Variants in OTOGL observed in about 807,000 individuals in gnomAD.
OTOGL encodes the protein otogelin-like protein.
In OTOGL, 285 loss-of-function variants were observed where a neutral mutation model predicts 318.5. That is an observed-to-expected ratio of 0.89 (90% CI 0.81 to 0.99). The LOEUF (loss-of-function observed/expected upper bound fraction) is 0.99. Among genes scored for constraint, OTOGL ranks in the 50% least tolerant of loss-of-function variants. The probability of loss-of-function intolerance (pLI) is 0.00; values close to 1 mark genes in which losing one functional copy is unlikely to be tolerated. For missense variants in OTOGL, 2,899 were observed against 2,845.6 expected, an observed-to-expected ratio of 1.02 and a Z score of -0.43; for synonymous variants, 987 against 936.5, an observed-to-expected ratio of 1.05 and a Z score of -0.99.
intron 1 of OTOGL, among the ~76,000 whole-genome samples, chr12:80,120,167 G>T (rs985709055): frequency 6.6e-6 from 1 of 151,964 alleles, no homozygotes; most frequent in Admixed American, 6.6e-5. Flanking sequence ...ATCATAGGAT[G>T]GGGTAGCTGG....
chr12:80,286,931 T>C (rs1244037989), intron 26 of OTOGL, among the ~76,000 whole-genome samples: 1 of 152,164 alleles, frequency 6.6e-6, no homozygotes, highest in Non-Finnish European at 1.5e-5. Context: ...TGCTAGCTTT[T>C]GAATTTGTTT....
At chr12:80,274,981 G>A (rs1008447136) in intron 24 of OTOGL, among the ~76,000 whole-genome samples, 2 of 151,940 alleles carry the variant, frequency 1.3e-5, no homozygotes, top group African/African-American at 2.4e-5. Context: ...AGTGCACCTG[G>A]CACCTAGGAG....
intron 1 of OTOGL, among the ~76,000 whole-genome samples, chr12:80,124,879 C>T (rs1484373553): frequency 1.3e-5 from 2 of 152,200 alleles, no homozygotes; most frequent in Admixed American, 6.5e-5. Flanking sequence ...GATTTTCGTA[C>T]ATTGATTTTG....
chr12:80,354,609 C>T (rs1356753055), intron 46 of OTOGL, among the ~76,000 whole-genome samples: 2 of 151,804 alleles, frequency 1.3e-5, no homozygotes, highest in Admixed American at 1.3e-4. Flanking sequence ...AATGAATTGA[C>T]TAATAATTAA....
intron 39 of OTOGL, 28 bp downstream of exon 39, chr12:80,336,168 C>A: frequency 4.0e-5 from 54 of 1,352,538 alleles, no homozygotes; most frequent in Non-Finnish European, 4.9e-5. Context: ...AAGCGGTGAT[C>A]TTTTTTTTTT....
intron 52 of OTOGL, among the ~76,000 whole-genome samples, chr12:80,363,484 A>G (rs1345855460): frequency 6.6e-6 from 1 of 152,174 alleles, no homozygotes; most frequent in Non-Finnish European, 1.5e-5. Flanking sequence ...GGAGGGCAAA[A>G]TGAAAGACTG....
chr12:80,372,610 C>T (rs1298123870), intron 57 of OTOGL, among the ~76,000 whole-genome samples: 1 of 151,826 alleles, frequency 6.6e-6, no homozygotes, highest in Non-Finnish European at 1.5e-5. Context: ...TAAAAGTTCT[C>T]ATAATTATTT....
intron 1 of OTOGL, among the ~76,000 whole-genome samples, chr12:80,117,147 A>G (rs1336379431): frequency 6.6e-6 from 1 of 152,128 alleles, no homozygotes; most frequent in Non-Finnish European, 1.5e-5. Flanking sequence ...GGCCTGGAGT[A>G]TCAGGGGTGT....
At chr12:80,361,635 A>G (rs2138051769) in intron 52 of OTOGL, among the ~76,000 whole-genome samples, 1 of 152,148 alleles carries the variant, frequency 6.6e-6, no homozygotes. Flanking sequence ...CATCTTCACA[A>G]ACACTTGCTA....
rs552046761 is a variant in OTOGL, at chr12:80,110,327, A to G, written c.-20+10722A>G. 3.9e-5 allele frequency among the ~76,000 whole-genome samples: 6 copies of G among 152,168 alleles called. No homozygotes were observed. In the South Asian group the frequency reaches 1.0e-3, roughly 26 times the overall value. ...CAGGCTCCGCCTGCCTTGGCCTCCC[A>G]AAGTGCTGGGATTACGGGTGTCAGC... On this transcript the variant is annotated intron_variant, in intron 1 of 58. Coordinates refer to ENST00000547103, the MANE Select transcript of OTOGL (RefSeq NM_001378609.3).
chr12:80,278,217 A>C lies in OTOGL; in HGVS notation c.2731A>C (p.Ile911Leu), dbSNP rs1352070619. The C allele has an allele frequency of 6.5e-7, 1 of 1,547,038 alleles. No individual in the cohort carries two copies. The highest frequency in any genetic ancestry group is 1.2e-5 in the South Asian group (1 of 83,934). The change falls in exon 25 of 59, where the codon ATT becomes CTT. Residue 911 changes from isoleucine (I) to leucine (L), a missense_variant. Physicochemically the swap from Ile to Leu is conservative, Grantham distance 5. This residue lies in a region of OTOGL where 2,607 missense variants were observed against 2,524.9 expected (regional missense o/e 1.03). Transcript: ENST00000547103. ...KCYVPESCPC[I>L]WKDWEYLSGE... ...TTATGTTCCTGAAAGCTGCCCATGTATTTGGAAAGATTGGGAGTATCTCTC... is the reference window on the plus strand; with the variant it reads ...TTATGTTCCTGAAAGCTGCCCATGTCTTTGGAAAGATTGGGAGTATCTCTC...
chr12:80,294,913 C>A (rs1475560383), intron 26 of OTOGL, among the ~76,000 whole-genome samples: 6 of 152,084 alleles, frequency 3.9e-5, no homozygotes, highest in Non-Finnish European at 8.8e-5. Context: ...CATAGTGACA[C>A]CCTGCCTCTA....
At chr12:80,142,157 T>C (rs900138508) in intron 1 of OTOGL, among the ~76,000 whole-genome samples, 2 of 152,258 alleles carry the variant, frequency 1.3e-5, no homozygotes, top group East Asian at 3.9e-4. Context: ...ATCAGCATTG[T>C]CCAATAAAAA....
intron 36 of OTOGL, 78 bp from the exon 37 acceptor site, chr12:80,328,973 A>G (rs1311528659): frequency 7.6e-7 from 1 of 1,309,214 alleles, no homozygotes. Context: ...CCTTGAAGCT[A>G]AAGAGTCCTC....
At chr12:80,196,208 C>T (rs1876055240) in intron 1 of OTOGL, among the ~76,000 whole-genome samples, 3 of 152,184 alleles carry the variant, frequency 2.0e-5, no homozygotes, top group Non-Finnish European at 4.4e-5. Flanking sequence ...CATTGAGCTA[C>T]AGTCCCCCTC....
chr12:80,151,560 C>A (rs1872783947), intron 1 of OTOGL, among the ~76,000 whole-genome samples: 1 of 152,078 alleles, frequency 6.6e-6, no homozygotes. Context: ...AGAGTTCTAT[C>A]CAAAAAAAGG....
chr12:80,200,507 A>G (rs1304757735), intron 1 of OTOGL, among the ~76,000 whole-genome samples: 1 of 152,232 alleles, frequency 6.6e-6, no homozygotes, highest in Non-Finnish European at 1.5e-5. Context: ...AATGATTGAG[A>G]ACCCTCATCC....
At chr12:80,297,401 G>A (rs1304102787) in intron 27 of OTOGL, among the ~76,000 whole-genome samples, 2 of 149,708 alleles carry the variant, frequency 1.3e-5, no homozygotes, top group African/African-American at 2.5e-5. Flanking sequence ...GCACGATCTC[G>A]GCTCACCTCA....
intron 32 of OTOGL, among the ~76,000 whole-genome samples, chr12:80,316,043 A>G (rs531403341): frequency 6.6e-6 from 1 of 152,272 alleles, no homozygotes; most frequent in African/African-American, 2.4e-5. Flanking sequence ...TTATTTTATT[A>G]TCTGCATTTT....
Sources: gnomAD v4.1 joint callset for allele counts (sites outside exome capture counted in the v4.1 genomes callset) on GRCh38, gnomAD v4.1.1 for gene constraint, gnomAD v4.1.1 regional missense constraint, MANE v1.5 for transcripts, NCBI Gene and HGNC (gene_info 2026-07-23, HGNC 2026-07-21) for gene names.